TMEM117: variants seen among roughly 807,000 people sequenced by gnomAD.
The protein encoded by TMEM117 is transmembrane protein 117.
TMEM117 carries 27 observed loss-of-function variants against 52.4 expected under a neutral mutation model. The ratio of observed to expected loss-of-function variants is 0.51; its 90% CI spans 0.38 to 0.71. The LOEUF (loss-of-function observed/expected upper bound fraction) is 0.71. TMEM117 is among the 30% of genes least tolerant of loss of function. The pLI is 0.00. For synonymous variants in TMEM117, 215 were observed against 206.3 expected (o/e 1.04, Z -0.36); for missense variants, 556 against 630.5 (o/e 0.88, Z 1.26).
Position 44,152,843 on chromosome 12 carries a change from T to G in TMEM117, c.510+9219T>G, listed in dbSNP as rs570782311. ...ATATAATGTATATATTGTATTTATA[T>G]AAATACAATATATACATTATATTTA... is the stretch of plus-strand genomic sequence containing the variant. On this transcript the variant is annotated intron_variant, in intron 4 of 7. Coordinates refer to ENST00000266534, the MANE Select transcript of TMEM117 (RefSeq NM_032256.3). 3.0e-4 allele frequency among the ~76,000 whole-genome samples: 43 copies of G among 144,910 alleles called. No homozygotes were observed. In the East Asian group the frequency reaches 5.5e-3, roughly 19 times the overall value.
At chr12:44,212,372 G>C (rs554645762) in intron 5 of TMEM117, among the ~76,000 whole-genome samples, 1 of 152,238 alleles carries the variant, frequency 6.6e-6, no homozygotes, top group Non-Finnish European at 1.5e-5. Context: ...CTGTGTCCAA[G>C]TGATCCTTAT....
intron 2 of TMEM117, 49 bp from the exon 3 acceptor site, chr12:43,944,161 A>G: frequency 6.7e-7 from 1 of 1,493,662 alleles, no homozygotes; most frequent in South Asian, 1.2e-5. Flanking sequence ...AAGATCCATG[A>G]ATTTTGAGTT....
At chr12:43,917,940 T>C (rs115667463) in intron 2 of TMEM117, among the ~76,000 whole-genome samples, 1,927 of 152,298 alleles carry the variant, frequency 0.013, 35 homozygotes, top group African/African-American at 0.043. Flanking sequence ...TCTATTCCAG[T>C]CACTTGGTCT....
At chr12:43,883,761 C>CAAAAAAAAAA (rs10718021) in intron 2 of TMEM117, among the ~76,000 whole-genome samples, 1 of 140,506 alleles carries the variant, frequency 7.1e-6, no homozygotes, top group African/African-American at 2.6e-5. Context: ...GTATGAAAGA[C>CAAAAAAAAAA]AAAAAAAAAA....
At chr12:44,227,180 C>T (rs1949873148) in intron 5 of TMEM117, among the ~76,000 whole-genome samples, 1 of 152,060 alleles carries the variant, frequency 6.6e-6, no homozygotes, top group East Asian at 1.9e-4. Context: ...AAAACATGAC[C>T]CTGGGAACTT....
chr12:43,963,224 C>CTA (rs1053452171), intron 3 of TMEM117, among the ~76,000 whole-genome samples: 2 of 150,842 alleles, frequency 1.3e-5, no homozygotes, highest in Admixed American at 1.3e-4. Context: ...CTAGTATACA[C>CTA]TATATATATA....
At chr12:44,068,306 C>A (rs1037119899) in intron 3 of TMEM117, among the ~76,000 whole-genome samples, 1 of 152,140 alleles carries the variant, frequency 6.6e-6, no homozygotes, top group Admixed American at 6.5e-5. Flanking sequence ...AGAACATTTT[C>A]TTTGCATTCA....
chr12:44,344,083 G>T (rs1951452395), intron 6 of TMEM117, among the ~76,000 whole-genome samples: 1 of 152,132 alleles, frequency 6.6e-6, no homozygotes, highest in African/African-American at 2.4e-5. Flanking sequence ...GTCTTAAATT[G>T]TTGAGAAATA....
At chr12:43,808,109 A>C in the TMEM117 span, among the ~76,000 whole-genome samples, 1 of 152,224 alleles carries the variant, frequency 6.6e-6, no homozygotes, top group Non-Finnish European at 1.5e-5. Context: ...TAAGAAACAA[A>C]CCATTTGAAA....
intron 6 of TMEM117, among the ~76,000 whole-genome samples, chr12:44,315,298 A>T (rs1951040070): frequency 6.6e-6 from 1 of 151,780 alleles, no homozygotes; most frequent in Non-Finnish European, 1.5e-5. Flanking sequence ...CTAGCTTTGG[A>T]GTTAGTTTAT....
At chr12:44,195,417 C>A (rs755366279) in intron 4 of TMEM117, among the ~76,000 whole-genome samples, 5 of 152,074 alleles carry the variant, frequency 3.3e-5, no homozygotes, top group Non-Finnish European at 4.4e-5. Flanking sequence ...TTAGTACCAC[C>A]CAATAATCTT....
At chr12:44,356,018 A>G (rs1951643101) in intron 6 of TMEM117, among the ~76,000 whole-genome samples, 1 of 150,676 alleles carries the variant, frequency 6.6e-6, no homozygotes, top group Non-Finnish European at 1.5e-5. Context: ...TAGAGTCAGG[A>G]AAAAAAAAGA....
At chr12:44,094,837 A>G (rs1947730917) in intron 3 of TMEM117, among the ~76,000 whole-genome samples, 1 of 152,130 alleles carries the variant, frequency 6.6e-6, no homozygotes, top group Non-Finnish European at 1.5e-5. Flanking sequence ...GAGAGAAATT[A>G]AAATGTAAGT....
At chr12:44,171,440 G>A (rs1949045113) in intron 4 of TMEM117, among the ~76,000 whole-genome samples, 1 of 152,122 alleles carries the variant, frequency 6.6e-6, no homozygotes, top group Non-Finnish European at 1.5e-5. Context: ...TATTACTGTG[G>A]TGTTTGCCTA....
chr12:43,843,741 T>C (rs1359310714), intron 1 of TMEM117, among the ~76,000 whole-genome samples: 1 of 152,206 alleles, frequency 6.6e-6, no homozygotes, highest in Non-Finnish European at 1.5e-5. Context: ...TTTATTCTCA[T>C]TCACCCAATG....
intron 4 of TMEM117, among the ~76,000 whole-genome samples, chr12:44,154,837 C>A (rs1565851897): frequency 6.6e-6 from 1 of 151,080 alleles, no homozygotes; most frequent in Non-Finnish European, 1.5e-5. Context: ...CCTGGTACTT[C>A]TGCATACTTT....
At chr12:44,278,799 T>C (rs1227434720) in intron 5 of TMEM117, among the ~76,000 whole-genome samples, 1 of 152,226 alleles carries the variant, frequency 6.6e-6, no homozygotes, top group African/African-American at 2.4e-5. Flanking sequence ...CCATATCCCC[T>C]ATCCTTTTTC....
chr12:44,105,640 C>T (rs1431958641), intron 3 of TMEM117, among the ~76,000 whole-genome samples: 1 of 151,924 alleles, frequency 6.6e-6, no homozygotes, highest in African/African-American at 2.4e-5. Flanking sequence ...AGTGTTTTAG[C>T]CTTGGACTGT....
At chr12:43,882,334 C>T (rs1415860171) in intron 2 of TMEM117, among the ~76,000 whole-genome samples, 2 of 151,472 alleles carry the variant, frequency 1.3e-5, no homozygotes, top group South Asian at 2.1e-4. Flanking sequence ...GTGGCAGGCA[C>T]CTGTAATCCC....
Sources: gnomAD v4.1 joint callset for allele counts (sites outside exome capture counted in the v4.1 genomes callset) on GRCh38, gnomAD v4.1.1 for gene constraint, MANE v1.5 for transcripts, NCBI Gene and HGNC (gene_info 2026-07-23, HGNC 2026-07-21) for gene names.